SPACA7: variants seen among roughly 807,000 people sequenced by gnomAD.
The protein encoded by SPACA7 is sperm acrosome associated 7.
In SPACA7, 19 loss-of-function variants were observed where a neutral mutation model predicts 26.3. That is an observed-to-expected ratio of 0.72 (90% CI 0.50 to 1.06). SPACA7 has a LOEUF of 1.06. SPACA7 is among the 50% of genes least tolerant of loss of function. SPACA7 has a pLI of 0.00. For missense variants in SPACA7, 211 were observed against 229.9 expected, an observed-to-expected ratio of 0.92 and a Z score of 0.53; for synonymous variants, 84 against 84.5, an observed-to-expected ratio of 0.99 and a Z score of 0.04.
chr13:112,433,234 G>A (rs1437954609), intron 6 of SPACA7, among the ~76,000 whole-genome samples: 72 of 146,436 alleles, frequency 4.9e-4, no homozygotes, highest in Admixed American at 2.8e-4. Context: ...CATGAATCCC[G>A]AGCTGCTGTC....
chr13:112,398,118 C>G lies in SPACA7; in HGVS notation c.221C>G (p.Ser74Ter), dbSNP rs1453890049. 2 of 1,613,552 alleles carry G rather than the reference C, an allele frequency of 1.2e-6. No individual in the cohort carries two copies. Among genetic ancestry groups the G allele is most frequent in the Admixed American group, 1.7e-5 (1 of 60,022 alleles). ...TTPSEMPSTASTLSTPLHAGI... is the reference protein window; with the variant it reads ...TTPSEMPSTA Reference sequence around the variant, plus strand: ...CCGAGCGAAATGCCAAGTACAGCATCAACATTATCAACACCGTTACGTAAG... The same window carrying G: ...CCGAGCGAAATGCCAAGTACAGCATGAACATTATCAACACCGTTACGTAAG... The change falls in exon 3 of 7, where the codon TCA becomes TGA. Residue 74 changes from serine (S) to a stop codon, truncating the protein, a stop_gained. Transcript: ENST00000283550. LOFTEE classifies it high-confidence loss of function.
chr13:112,431,676 T>G (rs2139087134), intron 5 of SPACA7, among the ~76,000 whole-genome samples: 1 of 152,320 alleles, frequency 6.6e-6, no homozygotes, highest in South Asian at 2.1e-4. Flanking sequence ...AACCGTATTT[T>G]TAAGGATTCC....
At chr13:112,390,086 G>C (rs894231265) in intron 1 of SPACA7, among the ~76,000 whole-genome samples, 3 of 152,088 alleles carry the variant, frequency 2.0e-5, no homozygotes, top group African/African-American at 7.2e-5. Context: ...TAAAGCTCCA[G>C]GGACTGTTGG....
intron 5 of SPACA7, among the ~76,000 whole-genome samples, chr13:112,403,395 T>C (rs932963149): frequency 6.6e-6 from 1 of 152,240 alleles, no homozygotes; most frequent in Admixed American, 6.5e-5. Flanking sequence ...CAGTGATCTG[T>C]CTGGTTTATC....
chr13:112,426,499 G>T (rs1359704281), intron 5 of SPACA7, among the ~76,000 whole-genome samples: 3 of 152,168 alleles, frequency 2.0e-5, no homozygotes, highest in African/African-American at 7.2e-5. Context: ...AATTTGGTAA[G>T]ATCTGCCATC....
intron 1 of SPACA7, among the ~76,000 whole-genome samples, chr13:112,376,723 A>C (rs1242563168): frequency 6.6e-6 from 1 of 152,198 alleles, no homozygotes; most frequent in East Asian, 1.9e-4. Context: ...AACTGGGAAG[A>C]ATATCATGAA....
intron 5 of SPACA7, among the ~76,000 whole-genome samples, chr13:112,425,262 A>G (rs543894262): frequency 6.6e-6 from 1 of 152,336 alleles, no homozygotes; most frequent in Admixed American, 6.5e-5. Context: ...CATGAGTTGA[A>G]AAAAAAGTTG....
At chr13:112,393,544 A>AC (rs1405185381) in intron 2 of SPACA7, among the ~76,000 whole-genome samples, 1 of 150,176 alleles carries the variant, frequency 6.7e-6, no homozygotes, top group African/African-American at 2.5e-5. Flanking sequence ...GAAACTACAG[A>AC]CCCCCTGGCC....
chr13:112,434,669 G>A lies in SPACA7; in HGVS notation c.*120G>A. The A allele has an allele frequency of 1.3e-6, 1 of 778,874 alleles. No homozygotes were observed. Among genetic ancestry groups the A allele is most frequent in the South Asian group, 1.8e-5 (1 of 55,728 alleles). The allele number at this position is 778,874 out of a possible 1,614,324, so 48.2% of individuals were successfully genotyped here. ...GTTCTCTGAACCATTCCACATAAAG[G>A]AAAATCGTTTATTCACACGATCCCA... is the stretch of plus-strand genomic sequence containing the variant. On this transcript the variant is annotated 3_prime_UTR_variant, in exon 7 of 7. Coordinates refer to ENST00000283550, the MANE Select transcript of SPACA7 (RefSeq NM_145248.5).
At chr13:112,401,842 T>C (rs1005989075) in intron 5 of SPACA7, among the ~76,000 whole-genome samples, 1 of 152,204 alleles carries the variant, frequency 6.6e-6, no homozygotes, top group Non-Finnish European at 1.5e-5. Flanking sequence ...TTTTTAAAAG[T>C]CCATCTTTGT....
intron 5 of SPACA7, among the ~76,000 whole-genome samples, chr13:112,420,013 C>T (rs1049519246): frequency 1.1e-4 from 16 of 152,204 alleles, no homozygotes; most frequent in Admixed American, 7.2e-4. Flanking sequence ...TTTGATTCTT[C>T]GGTGCATTGA....
chr13:112,408,082 C>T (rs1039903864), intron 5 of SPACA7, among the ~76,000 whole-genome samples: 3 of 152,062 alleles, frequency 2.0e-5, no homozygotes, highest in South Asian at 2.1e-4. Flanking sequence ...AATAAATAAA[C>T]GTAGTCGAGC....
At chr13:112,434,282 C>T (rs763588207) in intron 6 of SPACA7, among the ~76,000 whole-genome samples, 2 of 152,172 alleles carry the variant, frequency 1.3e-5, no homozygotes, top group African/African-American at 2.4e-5. Context: ...AGGGTGGCCC[C>T]GCAGGGAGAG....
At chr13:112,434,360 T>C in intron 6 of SPACA7, 125 bp from the exon 7 acceptor site, 1 of 774,092 alleles carries the variant, frequency 1.3e-6, no homozygotes, top group Non-Finnish European at 2.2e-6. Flanking sequence ...TCCGCAGGGC[T>C]CTCCCCTCCC....
chr13:112,410,207 G>C (rs561298957), intron 5 of SPACA7, among the ~76,000 whole-genome samples: 2 of 152,004 alleles, frequency 1.3e-5, no homozygotes, highest in Admixed American at 6.6e-5. Context: ...CAGATGCTGG[G>C]GCCTGTGATG....
chr13:112,404,880 G>A lies in SPACA7; in HGVS notation c.445+3716G>A, dbSNP rs190048557. On this transcript the variant is annotated intron_variant, in intron 5 of 6. Coordinates refer to ENST00000283550, the MANE Select transcript of SPACA7 (RefSeq NM_145248.5). ...CCTCCAGATTTGTTCTTCTTGCTTA[G>A]TCTTGCTTTGGCTATGCAAGCTCTT... Among the ~76,000 whole-genome samples the A allele has an allele frequency of 4.5e-3, 678 of 150,602 alleles. 1 individual carries two copies. The highest frequency in any genetic ancestry group is 0.031 in the Middle Eastern group (9 of 294).
At chr13:112,377,272 C>T (rs1883755754) in intron 1 of SPACA7, among the ~76,000 whole-genome samples, 1 of 152,190 alleles carries the variant, frequency 6.6e-6, no homozygotes, top group African/African-American at 2.4e-5. Context: ...TTTTCAGGAC[C>T]ATACAATTGT....
intron 5 of SPACA7, among the ~76,000 whole-genome samples, chr13:112,427,035 T>C (rs1413274354): frequency 4.6e-5 from 7 of 152,220 alleles, no homozygotes; most frequent in Admixed American, 2.6e-4. Flanking sequence ...TTCCTTTTGT[T>C]GGGTTGAAGA....
chr13:112,409,520 A>G (rs1424492056), intron 5 of SPACA7, among the ~76,000 whole-genome samples: 1 of 148,904 alleles, frequency 6.7e-6, no homozygotes, highest in African/African-American at 2.6e-5. Context: ...AATTTACAAG[A>G]AAAAAACAAA....
Sources: gnomAD v4.1 joint callset for allele counts (sites outside exome capture counted in the v4.1 genomes callset) on GRCh38, gnomAD v4.1.1 for gene constraint, MANE v1.5 for transcripts, NCBI Gene and HGNC (gene_info 2026-07-23, HGNC 2026-07-21) for gene names.